RBM26: variants seen among roughly 807,000 people sequenced by gnomAD.
RBM26 encodes the protein RNA-binding protein 26.
A neutral mutation model predicts 123.6 loss-of-function variants in RBM26; 30 were observed. The ratio of observed to expected loss-of-function variants is 0.24; its 90% CI spans 0.18 to 0.33. The LOEUF is 0.33. Among genes scored for constraint, RBM26 ranks in the 10% least tolerant of loss-of-function variants. The pLI is 1.00. For synonymous variants in RBM26, 400 were observed against 404.4 expected, an observed-to-expected ratio of 0.99 and a Z score of 0.13; for missense variants, 947 against 1,203.6, an observed-to-expected ratio of 0.79 and a Z score of 3.15.
downstream of RBM26, among the ~76,000 whole-genome samples, chr13:79,317,102 G>A (rs1239835229): frequency 6.6e-6 from 1 of 151,594 alleles, no homozygotes; most frequent in Non-Finnish European, 1.5e-5. Flanking sequence ...GAATTTAGAA[G>A]GAAAATGAAA....
chr13:79,320,365 T>G lies in RBM26; in HGVS notation c.*256A>C. 2.8e-6 allele frequency: 3 copies of G among 1,083,382 alleles called. No individual in the cohort carries two copies. Among genetic ancestry groups the G allele is most frequent in the Non-Finnish European group, 2.2e-6 (2 of 891,890 alleles). The allele number at this position is 1,083,382 out of a possible 1,614,324, so 67.1% of individuals were successfully genotyped here. A position where few individuals can be genotyped will look rare whatever the true frequency, so the allele number is the denominator to read the frequency against. ...ACCCAAAGAATTCTGTGATGTCCAG[T>G]AGAAGTATGTAATAAAAACATTGCA... is the stretch of plus-strand genomic sequence containing the variant. On this transcript the variant is annotated 3_prime_UTR_variant, in exon 22 of 22. Coordinates refer to ENST00000438737, the MANE Select transcript of RBM26 (RefSeq NM_001366735.2).
intron 18 of RBM26, 60 bp from the exon 19 acceptor site, chr13:79,337,362 T>C (rs774211390): frequency 2.4e-5 from 37 of 1,573,070 alleles, no homozygotes; most frequent in Non-Finnish European, 3.1e-5. Flanking sequence ...AAGCCAAGCA[T>C]TACACTCTGG....
At chr13:79,379,990 G>C (rs1330106597) in intron 1 of RBM26, among the ~76,000 whole-genome samples, 3 of 152,256 alleles carry the variant, frequency 2.0e-5, no homozygotes, top group African/African-American at 7.2e-5. Flanking sequence ...AATGTATTCT[G>C]GTGGCAAGAC....
intron 1 of RBM26, among the ~76,000 whole-genome samples, chr13:79,387,352 A>AT (rs201160024): frequency 6.6e-6 from 1 of 152,008 alleles, no homozygotes; most frequent in East Asian, 1.9e-4. Flanking sequence ...TGGTTGCTAT[A>AT]TTTTAAGTCC....
chr13:79,317,375 C>A (rs1488332875), downstream of RBM26, among the ~76,000 whole-genome samples: 1 of 151,626 alleles, frequency 6.6e-6, no homozygotes, highest in Non-Finnish European at 1.5e-5. Context: ...ACCAAGGAAA[C>A]TATAGATGTA....
At position 79,353,202 on chromosome 13, in the gene RBM26, T is replaced by C. The variant is rs1288134359; in HGVS notation, c.2009A>G (p.Lys670Arg). The change falls in exon 14 of 22, where the codon AAG becomes AGG. Residue 670 changes from lysine to arginine, a missense_variant. Lys to Arg is a conservative substitution (Grantham distance 26). Transcript: ENST00000438737. ...LPQNVTKLSVKDRLGFVSKPS... is the reference protein window; with the variant it reads ...LPQNVTKLSVRDRLGFVSKPS... Reference sequence around the variant, plus strand: ...CTTTGATACAAAACCCAACCTGTCCTTCACAGATAACTTAGTTACATTCTA... The same window carrying C: ...CTTTGATACAAAACCCAACCTGTCCCTCACAGATAACTTAGTTACATTCTA... The C allele has an allele frequency of 6.3e-7, 1 of 1,586,746 alleles. No individual in the cohort carries two copies. The highest frequency in any genetic ancestry group is 1.1e-5 in the South Asian group (1 of 87,492).
At chr13:79,375,300 G>C (rs2076586537) in intron 3 of RBM26, among the ~76,000 whole-genome samples, 1 of 150,262 alleles carries the variant, frequency 6.7e-6, no homozygotes, top group Non-Finnish European at 1.5e-5. Flanking sequence ...AGCTTCTCGA[G>C]TAACTGGGAT....
intron 10 of RBM26, among the ~76,000 whole-genome samples, 167 bp from the exon 11 acceptor site, chr13:79,358,600 T>G (rs1353341394): frequency 6.6e-6 from 1 of 152,208 alleles, no homozygotes; most frequent in Admixed American, 6.5e-5. Flanking sequence ...CAATGAAGTT[T>G]CCAAATGAAC....
At chr13:79,357,803 T>C (rs1272527861) in intron 11 of RBM26, among the ~76,000 whole-genome samples, 2 of 152,132 alleles carry the variant, frequency 1.3e-5, no homozygotes, top group South Asian at 2.1e-4. Flanking sequence ...ATATGATCAA[T>C]TGAAACACTA....
downstream of RBM26, chr13:79,318,725 G>T (rs1053788371): frequency 9.4e-5 from 84 of 896,376 alleles, no homozygotes; most frequent in Non-Finnish European, 1.1e-4. Context: ...TATAATTTTT[G>T]AAATATCAGG....
downstream of RBM26, among the ~76,000 whole-genome samples, chr13:79,316,130 C>T (rs2067119804): frequency 6.7e-6 from 1 of 150,210 alleles, no homozygotes; most frequent in Admixed American, 6.7e-5. Flanking sequence ...TTAACTAAGC[C>T]AGAATTTCAC....
intron 2 of RBM26, 70 bp from the exon 3 acceptor site, chr13:79,377,585 T>G: frequency 4.3e-6 from 5 of 1,152,858 alleles, no homozygotes; most frequent in Non-Finnish European, 5.1e-6. Flanking sequence ...TCCACATCTC[T>G]TATCTCTAAT....
At chr13:79,317,374 A>G (rs765061284), downstream of RBM26, among the ~76,000 whole-genome samples, 22 of 151,724 alleles carry the variant, frequency 1.5e-4, no homozygotes, top group Non-Finnish European at 2.8e-4. Flanking sequence ...TACCAAGGAA[A>G]CTATAGATGT....
chr13:79,367,406 CAA>C (rs776345304), intron 6 of RBM26, among the ~76,000 whole-genome samples: 130 of 39,636 alleles, frequency 3.3e-3, no homozygotes, highest in Middle Eastern at 7.6e-3. Flanking sequence ...GACTCCATCT[CAA>C]AAAAAAAAAA....
intron 1 of RBM26, among the ~76,000 whole-genome samples, chr13:79,396,459 G>A (rs558241453): frequency 1.4e-4 from 22 of 152,198 alleles, no homozygotes; most frequent in Non-Finnish European, 3.1e-4. Flanking sequence ...GTTATTAAAC[G>A]AATAGTAAGG....
intron 1 of RBM26, among the ~76,000 whole-genome samples, chr13:79,389,846 T>C (rs1182334786): frequency 6.6e-6 from 1 of 152,104 alleles, no homozygotes; most frequent in Non-Finnish European, 1.5e-5. Flanking sequence ...ACATCATAAA[T>C]AAAGCACTAT....
intron 2 of RBM26, among the ~76,000 whole-genome samples, chr13:79,378,363 T>C (rs1619669): frequency 0.51 from 76,863 of 152,076 alleles, 19,842 homozygotes; most frequent in Middle Eastern, 0.6. Flanking sequence ...AATAATAATA[T>C]TGTTTATTTA....
At chr13:79,345,496 C>T (rs757992963) in intron 14 of RBM26, among the ~76,000 whole-genome samples, 11 of 152,120 alleles carry the variant, frequency 7.2e-5, no homozygotes, top group Non-Finnish European at 1.0e-4. Context: ...TCTTTTCCCC[C>T]GTCTACAATG....
At chr13:79,370,664 A>G (rs994743487) in intron 5 of RBM26, among the ~76,000 whole-genome samples, 5 of 152,226 alleles carry the variant, frequency 3.3e-5, no homozygotes, top group African/African-American at 1.2e-4. Context: ...ATACTGCCAA[A>G]ATGTTTTCCA....
Sources: gnomAD v4.1 joint callset for allele counts (sites outside exome capture counted in the v4.1 genomes callset) on GRCh38, gnomAD v4.1.1 for gene constraint, MANE v1.5 for transcripts, NCBI Gene and HGNC (gene_info 2026-07-23, HGNC 2026-07-21) for gene names.